The following CENPE variants were observed in gnomAD, a reference collection of about 807,000 sequenced individuals.
The protein encoded by CENPE is centromere-associated protein E.
CENPE carries 145 observed loss-of-function variants against 336.1 expected under a neutral mutation model. The ratio of observed to expected loss-of-function variants is 0.43; its 90% CI spans 0.38 to 0.50. The LOEUF (loss-of-function observed/expected upper bound fraction) is 0.50. CENPE is among the 20% of genes least tolerant of loss of function. The probability of loss-of-function intolerance (pLI) is 0.00; values close to 1 mark genes in which losing one functional copy is unlikely to be tolerated. For synonymous variants in CENPE, 1,013 were observed against 984.8 expected, an observed-to-expected ratio of 1.03 and a Z score of -0.54; for missense variants, 2,719 against 3,023.3, an observed-to-expected ratio of 0.90 and a Z score of 2.36.
At chr4:103,161,030 G>C in intron 20 of CENPE, 56 bp downstream of exon 20, 1 of 1,373,682 alleles carries the variant, frequency 7.3e-7, no homozygotes, top group Non-Finnish European at 9.9e-7. Flanking sequence ...AAATTGTTTA[G>C]GTACATTTCT....
intron 26 of CENPE, among the ~76,000 whole-genome samples, chr4:103,150,221 T>C (rs947242463): frequency 6.6e-6 from 1 of 152,106 alleles, no homozygotes; most frequent in African/African-American, 2.4e-5. Context: ...GAAATAGACA[T>C]AAGGTTTTAG....
chr4:103,120,553 A>C (rs931167089), intron 43 of CENPE, among the ~76,000 whole-genome samples: 2 of 152,186 alleles, frequency 1.3e-5, no homozygotes, highest in Non-Finnish European at 2.9e-5. Flanking sequence ...TTTATATTAT[A>C]ATCTGTCTGC....
At chr4:103,109,750 C>T (rs1749222931) in intron 47 of CENPE, among the ~76,000 whole-genome samples, 1 of 152,150 alleles carries the variant, frequency 6.6e-6, no homozygotes, top group South Asian at 2.1e-4. Flanking sequence ...AAAATTTGAT[C>T]CCTCTATAAT....
chr4:103,151,489 A>G (rs1014052127), intron 25 of CENPE, 112 bp from the exon 26 acceptor site: 1 of 777,392 alleles, frequency 1.3e-6, no homozygotes, highest in Non-Finnish European at 1.9e-6. Context: ...AGGGAAAACT[A>G]TATAGGAAAA....
intron 2 of CENPE, among the ~76,000 whole-genome samples, chr4:103,196,496 G>C (rs1324503410): frequency 6.6e-6 from 1 of 152,098 alleles, no homozygotes; most frequent in Non-Finnish European, 1.5e-5. Context: ...GTTCTTTCAA[G>C]AGGCAATAAG....
At chr4:103,184,687 G>A (rs1756610421) in intron 9 of CENPE, among the ~76,000 whole-genome samples, 1 of 151,962 alleles carries the variant, frequency 6.6e-6, no homozygotes, top group African/African-American at 2.4e-5. Context: ...ATTTCACTGG[G>A]CTGACAATTC....
chr4:103,195,520 T>G (rs1192044242), intron 4 of CENPE, among the ~76,000 whole-genome samples: 2 of 152,078 alleles, frequency 1.3e-5, no homozygotes, highest in African/African-American at 4.8e-5. Flanking sequence ...AAATGCTAAT[T>G]TGAAACCAAC....
chr4:103,141,181 C>T, intron 35 of CENPE, 77 bp from the exon 36 acceptor site: 1 of 832,504 alleles, frequency 1.2e-6, no homozygotes, highest in East Asian at 2.6e-5. Flanking sequence ...TTGATTAAGA[C>T]AACTGTCTAC....
rs142868441 is a variant in CENPE at position 103,124,368 on chromosome 4, A to G, written c.6925-1279T>C. On this transcript the variant is annotated intron_variant, in intron 42 of 48. Transcript: ENST00000265148. ...TGACAATAAAATGAATAATGACTAG[A>G]GAGGATTCATATTGATCTGCAAGAT... is the stretch of plus-strand genomic sequence containing the variant. Among the ~76,000 whole-genome samples the G allele has an allele frequency of 7.9e-5, 12 of 152,328 alleles. No homozygotes were observed. The East Asian group carries it at 1.9e-3, about 24-fold the overall frequency.
At chr4:103,143,438 TGA>T (rs763393116) in intron 33 of CENPE, 32 bp from the exon 34 acceptor site, 1 of 1,389,024 alleles carries the variant, frequency 7.2e-7, no homozygotes, top group South Asian at 1.2e-5. Flanking sequence ...AATAATACAT[TGA>T]GAGTAGTACC....
At chr4:103,118,943 T>C (rs1750374221) in intron 44 of CENPE, among the ~76,000 whole-genome samples, 1 of 152,182 alleles carries the variant, frequency 6.6e-6, no homozygotes, top group South Asian at 2.1e-4. Flanking sequence ...AACTTTCTTG[T>C]TGTTTTCAGT....
intron 18 of CENPE, among the ~76,000 whole-genome samples, chr4:103,162,229 T>C (rs1038116257): frequency 6.6e-6 from 1 of 151,276 alleles, no homozygotes. Context: ...AACAAAAGAA[T>C]AGAAGGTAAC....
chr4:103,161,002 C>T, intron 20 of CENPE, 84 bp downstream of exon 20: 1 of 1,184,388 alleles, frequency 8.4e-7, no homozygotes, highest in Admixed American at 2.7e-5. Flanking sequence ...AATTTTTAAT[C>T]ATTGAAATAT....
At chr4:103,121,233 C>T (rs959932227) in intron 43 of CENPE, among the ~76,000 whole-genome samples, 4 of 152,152 alleles carry the variant, frequency 2.6e-5, no homozygotes, top group African/African-American at 7.2e-5. Flanking sequence ...ATAGTATACA[C>T]ACAATATACT....
Position 103,141,842 on chromosome 4 carries a change from C to A in CENPE, c.5371G>T (p.Asp1791Tyr). The change falls in exon 35 of 49, where the codon GAC (aspartate) becomes TAC (tyrosine). Residue 1791 changes from aspartate (D) to tyrosine (Y), a missense_variant. This residue lies in a region of CENPE where 2,437 missense variants were observed against 2,513.3 expected (regional missense o/e 0.97). Transcript: ENST00000265148. ...TCAGAAACAATTCCTCTGAGTTTGTCAATAGTTTCCTGCTGCTCTTTCAGA... is the reference window on the plus strand; with the variant it reads ...TCAGAAACAATTCCTCTGAGTTTGTAAATAGTTTCCTGCTGCTCTTTCAGA... ...MHLKEQQETIDKLRGIVSEKT... is the reference protein window; with the variant it reads ...MHLKEQQETIYKLRGIVSEKT... The A allele has an allele frequency of 6.3e-7, 1 of 1,598,980 alleles. No individual in the cohort carries two copies. Among genetic ancestry groups the A allele is most frequent in the South Asian group, 1.1e-5 (1 of 89,704 alleles).
intron 13 of CENPE, among the ~76,000 whole-genome samples, chr4:103,179,643 C>A (rs538643607): frequency 1.3e-5 from 2 of 152,262 alleles, no homozygotes; most frequent in East Asian, 1.9e-4. Context: ...TCATTTAATT[C>A]TCACACAACA....
chr4:103,180,429 TG>T lies in CENPE; in HGVS notation c.1123del (p.Gln375AsnfsTer23). On this transcript the variant is annotated frameshift_variant, in exon 13 of 49. Coordinates refer to ENST00000265148, the MANE Select transcript of CENPE (RefSeq NM_001813.3). LOFTEE classifies it high-confidence loss of function. ...ETRAQAMEKD[Q>X]LAQLLEEKDL... ...TTTTTCTTCCAAAAGTTGGGCCAATTGGTCTTTTTCCATTGCCTGAGCCCGC... is the reference window on the plus strand; with the variant it reads ...TTTTTCTTCCAAAAGTTGGGCCAATTGTCTTTTTCCATTGCCTGAGCCCGC... 1 of 1,612,888 alleles carries T rather than the reference TG, an allele frequency of 6.2e-7. No homozygotes were observed. The highest frequency in any genetic ancestry group is 8.5e-7 in the Non-Finnish European group (1 of 1,179,254).
intron 44 of CENPE, 39 bp downstream of exon 44, chr4:103,120,109 C>T: frequency 6.9e-7 from 1 of 1,455,640 alleles, no homozygotes; most frequent in Non-Finnish European, 9.4e-7. Flanking sequence ...GTTAAACAAA[C>T]AAACAAACAA....
At chr4:103,160,303 C>T (rs1754327941) in intron 21 of CENPE, among the ~76,000 whole-genome samples, 1 of 151,388 alleles carries the variant, frequency 6.6e-6, no homozygotes, top group Admixed American at 6.6e-5. Flanking sequence ...ACTACTACTA[C>T]CAAAAAAAAT....
Sources: allele counts gnomAD v4.1 joint callset (sites outside exome capture counted in the v4.1 genomes callset), GRCh38; gene constraint gnomAD v4.1.1; regional missense constraint gnomAD v4.1.1; transcripts MANE v1.5; gene names NCBI Gene and HGNC (gene_info 2026-07-23, HGNC 2026-07-21).